Variants in PPP1R14C observed in about 807,000 individuals in gnomAD.
PPP1R14C encodes protein phosphatase 1 regulatory subunit 14C.
A neutral mutation model predicts 20.4 loss-of-function variants in PPP1R14C; 16 were observed. The ratio of observed to expected loss-of-function variants is 0.78; its 90% CI spans 0.53 to 1.19. PPP1R14C has a LOEUF of 1.19. Among genes scored for constraint, PPP1R14C ranks in the 50% most tolerant of loss-of-function variants. The probability of loss-of-function intolerance (pLI) is 0.00; values close to 1 mark genes in which losing one functional copy is unlikely to be tolerated. For missense variants in PPP1R14C, 211 were observed against 220.1 expected (o/e 0.96, Z 0.26); for synonymous variants, 91 against 91.0 (o/e 1.00, Z 0.00).
At chr6:150,218,844 GTC>G (rs1778131546) in intron 3 of PPP1R14C, among the ~76,000 whole-genome samples, 1 of 152,050 alleles carries the variant, frequency 6.6e-6, no homozygotes, top group African/African-American at 2.4e-5. Context: ...TAGAGACTGG[GTC>G]TCACTATGTT....
At chr6:150,232,596 TGTA>T (rs1178000702) in intron 3 of PPP1R14C, among the ~76,000 whole-genome samples, 1 of 152,216 alleles carries the variant, frequency 6.6e-6, no homozygotes, top group Non-Finnish European at 1.5e-5. Flanking sequence ...AATTTGTCTT[TGTA>T]TATGGTGTAA....
chr6:150,245,083 G>A (rs999290550), intron 3 of PPP1R14C, among the ~76,000 whole-genome samples: 2 of 151,972 alleles, frequency 1.3e-5, no homozygotes, highest in African/African-American at 2.4e-5. Flanking sequence ...CAGTTGATGC[G>A]GAACAGTGAC....
intron 1 of PPP1R14C, among the ~76,000 whole-genome samples, chr6:150,204,343 C>T (rs1435309117): frequency 6.6e-6 from 1 of 152,224 alleles, no homozygotes; most frequent in Non-Finnish European, 1.5e-5. Context: ...GTGATTGTCT[C>T]CAGGAAGCTC....
chr6:150,167,330 T>G (rs1040991373), intron 1 of PPP1R14C, among the ~76,000 whole-genome samples: 2 of 149,824 alleles, frequency 1.3e-5, no homozygotes, highest in Admixed American at 1.3e-4. Context: ...ATCGCACCAC[T>G]GCACTCCAGC....
In PPP1R14C at chr6:150,158,993, C is replaced by T. The variant is rs367823214; in HGVS notation, c.306+15495C>T. Among the ~76,000 whole-genome samples the T allele has an allele frequency of 4.6e-5, 7 of 152,322 alleles. 1 individual carries two copies. On this transcript the variant is annotated intron_variant, in intron 1 of 3. Coordinates refer to ENST00000361131, the MANE Select transcript of PPP1R14C (RefSeq NM_030949.3). ...ATAGAACACGTAACACTTTGGAAGA[C>T]TCCTTTGGTGTCTTCATTTTTGGGG...
intron 1 of PPP1R14C, among the ~76,000 whole-genome samples, chr6:150,188,824 T>C (rs1777708680): frequency 6.7e-6 from 1 of 150,246 alleles, no homozygotes; most frequent in Non-Finnish European, 1.5e-5. Context: ...TCTTACAGGA[T>C]TTTTTATTTT....
intron 1 of PPP1R14C, among the ~76,000 whole-genome samples, chr6:150,182,310 T>C (rs1399065480): frequency 6.6e-6 from 1 of 152,214 alleles, no homozygotes; most frequent in East Asian, 1.9e-4. Context: ...TATAACAAAA[T>C]ACCATAGCCT....
chr6:150,147,306 A>T (rs967995062), intron 1 of PPP1R14C, among the ~76,000 whole-genome samples: 1 of 151,842 alleles, frequency 6.6e-6, no homozygotes, highest in Non-Finnish European at 1.5e-5. Flanking sequence ...CTGCCTCCTG[A>T]GTAGCTGGGG....
intron 3 of PPP1R14C, among the ~76,000 whole-genome samples, chr6:150,244,442 G>T (rs1179505613): frequency 6.6e-6 from 1 of 152,150 alleles, no homozygotes; most frequent in Non-Finnish European, 1.5e-5. Context: ...ATTTGTTAGG[G>T]TCACCTTTGA....
intron 1 of PPP1R14C, among the ~76,000 whole-genome samples, chr6:150,173,803 G>A (rs1388629490): frequency 6.6e-6 from 1 of 152,072 alleles, no homozygotes; most frequent in Non-Finnish European, 1.5e-5. Flanking sequence ...GGGAGCCCAA[G>A]ACTGCAGACC....
chr6:150,248,557 T>C (rs542179562), intron 3 of PPP1R14C, among the ~76,000 whole-genome samples, 189 bp from the exon 4 acceptor site: 1 of 152,324 alleles, frequency 6.6e-6, no homozygotes, highest in East Asian at 1.9e-4. Context: ...TAAGAAGGCA[T>C]TGTGGTGTGA....
chr6:150,231,204 C>A (rs369756665), intron 3 of PPP1R14C, among the ~76,000 whole-genome samples: 2 of 152,190 alleles, frequency 1.3e-5, no homozygotes, highest in Non-Finnish European at 2.9e-5. Flanking sequence ...CCCTCCGAAA[C>A]GTGTTTGGAC....
chr6:150,218,596 A>G (rs1455751337), intron 3 of PPP1R14C, among the ~76,000 whole-genome samples: 1 of 150,934 alleles, frequency 6.6e-6, no homozygotes, highest in Non-Finnish European at 1.5e-5. Context: ...ATATTTTCAT[A>G]AGCAACACTT....
intron 3 of PPP1R14C, among the ~76,000 whole-genome samples, chr6:150,222,380 C>T (rs1391514522): frequency 3.9e-5 from 6 of 152,182 alleles, no homozygotes; most frequent in African/African-American, 1.4e-4. Flanking sequence ...CACATGTACA[C>T]AGCCTCCCCA....
intron 3 of PPP1R14C, among the ~76,000 whole-genome samples, chr6:150,223,886 G>T (rs1041369154): frequency 3.9e-5 from 6 of 152,116 alleles, no homozygotes; most frequent in African/African-American, 1.4e-4. Context: ...TTCTTTCACG[G>T]ATCATGCCTT....
chr6:150,240,848 A>G (rs950066868), intron 3 of PPP1R14C, among the ~76,000 whole-genome samples: 2 of 152,218 alleles, frequency 1.3e-5, no homozygotes, highest in Non-Finnish European at 2.9e-5. Context: ...TAATATAATA[A>G]GAAATACATA....
intron 1 of PPP1R14C, among the ~76,000 whole-genome samples, chr6:150,207,416 G>A (rs1034373930): frequency 2.0e-5 from 3 of 152,144 alleles, no homozygotes; most frequent in African/African-American, 4.8e-5. Flanking sequence ...CTGGGCCCTC[G>A]ATTCGCATCA....
chr6:150,143,106 G>A lies in PPP1R14C; in HGVS notation c.-87G>A. ...AGGTGCCGGGGAGCCCTTCGCATGC[G>A]GCTGCCGGGCCGGAGGTGGTAGCGG... On this transcript the variant is annotated 5_prime_UTR_variant, in exon 1 of 4. Coordinates refer to ENST00000361131, the MANE Select transcript of PPP1R14C (RefSeq NM_030949.3). The surrounding 1 kb of genome is among the most constrained non-coding windows in gnomAD (Gnocchi z 5.6). The A allele has an allele frequency of 8.7e-7, 1 of 1,151,364 alleles. No homozygotes were observed. Among genetic ancestry groups the A allele is most frequent in the Non-Finnish European group, 1.1e-6 (1 of 940,452 alleles). 71.3% of individuals were successfully genotyped at this position (1,151,364 alleles called of 1,614,324 possible).
intron 1 of PPP1R14C, among the ~76,000 whole-genome samples, chr6:150,148,843 C>A (rs530749498): frequency 6.6e-6 from 1 of 152,190 alleles, no homozygotes; most frequent in African/African-American, 2.4e-5. Flanking sequence ...ACTGACGGAT[C>A]GCTTGAGGCC....
Sources: allele counts gnomAD v4.1 joint callset (sites outside exome capture counted in the v4.1 genomes callset), GRCh38; gene constraint gnomAD v4.1.1; non-coding constraint Gnocchi (gnomAD v3.1); transcripts MANE v1.5; gene names NCBI Gene and HGNC (gene_info 2026-07-23, HGNC 2026-07-21).